Variants in AHRR observed in about 807,000 individuals in gnomAD.
AHRR encodes the protein ahR repressor.
Under a neutral mutation model 44.0 loss-of-function variants are expected in AHRR, and 28 were observed. That is an observed-to-expected ratio of 0.64 (90% confidence interval 0.47 to 0.87). The LOEUF (loss-of-function observed/expected upper bound fraction) is 0.87, where lower values mean the gene tolerates loss of function less well. Ranked by LOEUF, AHRR falls within the 40% of genes least tolerant of loss-of-function variation. The pLI, the probability that AHRR is intolerant of heterozygous loss-of-function variation, is 0.00. For synonymous variants in AHRR, 434 were observed against 407.0 expected (o/e 1.07, Z -0.80); for missense variants, 990 against 953.9 (o/e 1.04, Z -0.50).
Position 387,147 on chromosome 5 carries a change from G to A in AHRR, c.351+10431G>A, listed in dbSNP as rs775753227. Among the ~76,000 whole-genome samples, 7 of 152,218 alleles carry A rather than the reference G, an allele frequency of 4.6e-5. No individual in the cohort carries two copies. Among genetic ancestry groups the A allele is most frequent in the Non-Finnish European group, 1.0e-4 (7 of 68,036 alleles). ...GTCAGTGCAGCTCAAAGTGCTTTAC[G>A]CTGTGTCTCTGGTGTGTTCCACACC... On this transcript the variant is annotated intron_variant, in intron 4 of 10. Transcript: ENST00000684583. The surrounding 1 kb of genome is among the most constrained non-coding windows in gnomAD (Gnocchi z 5.1).
chr5:398,200 G>GCCC (rs1734841759), intron 4 of AHRR, among the ~76,000 whole-genome samples: 1 of 129,336 alleles, frequency 7.7e-6, no homozygotes, highest in African/African-American at 3.4e-5. Context: ...CATCCACGTA[G>GCCC]CTCCTGACCA....
At chr5:427,749 G>A in intron 7 of AHRR, 58 bp from the exon 8 acceptor site, 1 of 1,612,224 alleles carries the variant, frequency 6.2e-7, no homozygotes, top group Non-Finnish European at 8.5e-7. Flanking sequence ...TGTGTCCTGT[G>A]ACCACCTTGC....
Position 359,861 on chromosome 5 carries a change from A to G in AHRR, c.244+5950A>G, listed in dbSNP as rs1743116026. Among the ~76,000 whole-genome samples, 6 of 152,164 alleles carry G rather than the reference A, an allele frequency of 3.9e-5. No homozygotes were observed. In the South Asian group the frequency reaches 1.2e-3, roughly 31 times the overall value. On this transcript the variant is annotated intron_variant, in intron 3 of 10. Transcript: ENST00000684583. Reference sequence around the variant, plus strand: ...GGGTTCTTGAACTCTGGAATCCCACACTTGCTAGCAGGTCAAAAGTTCCAT... The same window carrying G: ...GGGTTCTTGAACTCTGGAATCCCACGCTTGCTAGCAGGTCAAAAGTTCCAT...
chr5:414,926 G>A (rs1735652603), intron 5 of AHRR, among the ~76,000 whole-genome samples: 1 of 152,252 alleles, frequency 6.6e-6, no homozygotes, highest in Admixed American at 6.5e-5. Context: ...GGACTCTGAG[G>A]ACACAGATAC....
At chr5:397,274 TCCATGTTAGCCCCTGA>T (rs1412722017) in intron 4 of AHRR, among the ~76,000 whole-genome samples, 4 of 88,082 alleles carry the variant, frequency 4.5e-5, no homozygotes, top group Admixed American at 1.3e-4. Context: ...CTCCTGACCG[TCCATGTTAGCCCCTGA>T]CCATGTTAGC....
rs372976056 is a variant in AHRR at position 432,529 on chromosome 5, T to G, written c.970+5T>G. The G allele has an allele frequency of 1.9e-6, 3 of 1,613,240 alleles. No homozygotes were observed. The African/African-American group carries it at 4.0e-5, about 22-fold the overall frequency. On this transcript the variant is annotated splice_donor_5th_base_variant and intron_variant, in intron 9 of 10. Coordinates refer to ENST00000684583, the MANE Select transcript of AHRR (RefSeq NM_001377236.1). ...GAAAACCCAATTACTCAGCAGGTACTTAGAACATTTCTTATCTGATCTTTT... is the reference window on the plus strand; with the variant it reads ...GAAAACCCAATTACTCAGCAGGTACGTAGAACATTTCTTATCTGATCTTTT...
At chr5:332,929 CTTTT>C (rs57937804) in intron 1 of AHRR, among the ~76,000 whole-genome samples, 13,591 of 132,060 alleles carry the variant, frequency 0.1, 657 homozygotes, top group Non-Finnish European at 0.14. Context: ...TGACCTTTGT[CTTTT>C]TTTTTTTTTT....
At position 400,856 on chromosome 5, in the gene AHRR, G is replaced by A. The variant is rs144586399; in HGVS notation, c.352-12488G>A. 9.1e-4 allele frequency among the ~76,000 whole-genome samples: 139 copies of A among 152,276 alleles called. 1 individual carries two copies. The highest frequency in any genetic ancestry group is 3.2e-3 in the African/African-American group (132 of 41,552). ...TACTCAAGCCTTGAAAATTTCTTTGGTCTTTGAACTATTATTAGTAGGACA... is the reference window on the plus strand; with the variant it reads ...TACTCAAGCCTTGAAAATTTCTTTGATCTTTGAACTATTATTAGTAGGACA... On this transcript the variant is annotated intron_variant, in intron 4 of 10. Coordinates refer to ENST00000684583, the MANE Select transcript of AHRR (RefSeq NM_001377236.1).
At position 422,562 on chromosome 5, in the gene AHRR, G is replaced by C. The variant is rs898516891; in HGVS notation, c.442-167G>C. ...GGCAACTTAGACATCTTCTCAGGAG[G>C]GAGTGGGGAACCGGGGCCAAGCGCC... On this transcript the variant is annotated intron_variant, in intron 5 of 10. Transcript: ENST00000684583. The C allele has an allele frequency of 1.3e-5, 11 of 856,556 alleles. No individual in the cohort carries two copies. In the African/African-American group the frequency reaches 1.7e-4, roughly 13 times the overall value. The allele number at this position is 856,556 out of a possible 1,614,324, so 53.1% of individuals were successfully genotyped here. A position where few individuals can be genotyped will look rare whatever the true frequency, so the allele number is the denominator to read the frequency against.
intron 1 of AHRR, among the ~76,000 whole-genome samples, chr5:340,478 T>C (rs1404330791): frequency 1.3e-5 from 2 of 151,148 alleles, no homozygotes; most frequent in East Asian, 3.9e-4. Flanking sequence ...CATCCTCACA[T>C]GGTGGAGAGA....
chr5:413,677 C>T (rs1044023425), intron 5 of AHRR, among the ~76,000 whole-genome samples: 8 of 152,192 alleles, frequency 5.3e-5, no homozygotes, highest in East Asian at 1.9e-4. Flanking sequence ...GCAGCCGTGG[C>T]GTGCGGACGG....
Position 388,081 on chromosome 5 carries a change from C to T in AHRR, c.351+11365C>T, listed in dbSNP as rs972758143. Reference sequence around the variant, plus strand: ...ATCCAGTGTGACCTCATCTCAGCTTCGTGACATCCGCCACTGTCCTATGTC... The same window carrying T: ...ATCCAGTGTGACCTCATCTCAGCTTTGTGACATCCGCCACTGTCCTATGTC... On this transcript the variant is annotated intron_variant, in intron 4 of 10. Transcript: ENST00000684583. This position sits in a 1 kb window ranked among gnomAD's most constrained non-coding sequence, Gnocchi z 5.2. Among the ~76,000 whole-genome samples the T allele has an allele frequency of 6.6e-6, 1 of 152,188 alleles. No homozygotes were observed. The highest frequency in any genetic ancestry group is 2.4e-5 in the African/African-American group (1 of 41,450).
chr5:340,695 T>A (rs1376027276), intron 1 of AHRR, among the ~76,000 whole-genome samples: 31 of 54,722 alleles, frequency 5.7e-4, no homozygotes, highest in Non-Finnish European at 1.1e-3. Flanking sequence ...TATATTTTTT[T>A]TTTTTTTTTT....
In AHRR at chr5:353,760, C is replaced by T; in HGVS notation, c.93C>T (p.Asn31=). The T allele has an allele frequency of 6.2e-7, 1 of 1,612,622 alleles. No individual in the cohort carries two copies. Among genetic ancestry groups the T allele is most frequent in the Non-Finnish European group, 8.5e-7 (1 of 1,179,764 alleles). The part of the protein sequence containing the change: ...QRPAVGAEKS[N]PSKRHRDRLN... ...CCGCCGTGGGGGCAGAGAAGTCCAA[C>T]CCCTCCAAGCGACACCGGGACCGCC... The change falls in exon 3 of 11, where the codon AAC becomes AAT. Residue 31 remains asparagine (N), a synonymous_variant. Coordinates refer to ENST00000684583, the MANE Select transcript of AHRR (RefSeq NM_001377236.1).
intron 3 of AHRR, among the ~76,000 whole-genome samples, chr5:369,191 G>A (rs1235913945): frequency 1.3e-5 from 2 of 152,250 alleles, no homozygotes; most frequent in South Asian, 2.1e-4. Flanking sequence ...TGAGCACCTC[G>A]AATGCATTCC....
chr5:434,467 C>T lies in AHRR; in HGVS notation c.1727C>T (p.Pro576Leu). 1 of 1,613,476 alleles carries T rather than the reference C, an allele frequency of 6.2e-7. No homozygotes were observed. Among genetic ancestry groups the T allele is most frequent in the Non-Finnish European group, 8.5e-7 (1 of 1,180,004 alleles). The change falls in exon 11 of 11, where the codon CCA becomes CTA. Residue 576 changes from proline to leucine, a missense_variant. By Grantham distance (98) the Pro-to-Leu change is moderately conservative. Transcript: ENST00000684583. ...FPTRMHLKTE[P>L]DSRQQVYISH... ...ACCAGGATGCACCTGAAAACAGAGC[C>T]AGACTCTCGGCAACAGGTGTACATC... is the stretch of plus-strand genomic sequence containing the variant.
chr5:364,040 T>C (rs905125238), intron 3 of AHRR, among the ~76,000 whole-genome samples: 3 of 152,364 alleles, frequency 2.0e-5, no homozygotes, highest in African/African-American at 7.2e-5. Context: ...TGGGAGAATA[T>C]TGGCTACTTA....
chr5:400,378 TCGGCCCTCACCTGCCC>T (rs1734963351), intron 4 of AHRR, among the ~76,000 whole-genome samples: 1 of 151,960 alleles, frequency 6.6e-6, no homozygotes, highest in African/African-American at 2.4e-5. Context: ...CTCACCTGCC[TCGGCCCTCACCTGCCC>T]CGACCTCCGT....
intron 5 of AHRR, among the ~76,000 whole-genome samples, chr5:420,620 G>A (rs552928251): frequency 6.6e-6 from 1 of 152,350 alleles, no homozygotes; most frequent in South Asian, 2.1e-4. Flanking sequence ...ACATTTCTCA[G>A]GACAAAAGCC....
Sources: gnomAD v4.1 joint callset for allele counts (sites outside exome capture counted in the v4.1 genomes callset) on GRCh38, gnomAD v4.1.1 for gene constraint, Gnocchi (gnomAD v3.1) non-coding constraint, MANE v1.5 for transcripts, NCBI Gene and HGNC (gene_info 2026-07-23, HGNC 2026-07-21) for gene names.